Variants in GNA14 observed in about 807,000 individuals in gnomAD.
The protein encoded by GNA14 is G protein subunit alpha 14, also known as guanine nucleotide-binding protein subunit alpha-14.
GNA14 carries 50 observed loss-of-function variants against 42.0 expected under a neutral mutation model. The ratio of observed to expected loss-of-function variants is 1.19; its 90% CI spans 0.95 to 1.51. GNA14 has a LOEUF of 1.51. GNA14 is among the 40% of genes most tolerant of loss of function. The pLI is 0.00. For synonymous variants in GNA14, 173 were observed against 163.1 expected, an observed-to-expected ratio of 1.06 and a Z score of -0.46; for missense variants, 473 against 446.2, an observed-to-expected ratio of 1.06 and a Z score of -0.54.
intron 2 of GNA14, among the ~76,000 whole-genome samples, chr9:77,478,375 G>C (rs914326862): frequency 1.4e-4 from 22 of 152,138 alleles, no homozygotes; most frequent in African/African-American, 5.1e-4. Context: ...TTTTATGGCT[G>C]CATAGTATTC....
At chr9:77,507,654 CCGTT>C (rs1587806790) in intron 2 of GNA14, among the ~76,000 whole-genome samples, 1 of 152,072 alleles carries the variant, frequency 6.6e-6, no homozygotes, top group African/African-American at 2.4e-5. Flanking sequence ...AGAAAAACAG[CCGTT>C]TGTTTTTAAC....
intron 2 of GNA14, among the ~76,000 whole-genome samples, chr9:77,437,147 G>A (rs929920616): frequency 2.0e-5 from 3 of 152,194 alleles, no homozygotes; most frequent in African/African-American, 7.2e-5. Context: ...ACAATCATCA[G>A]GGCTGTAACA....
chr9:77,475,501 G>C (rs1394354892), intron 2 of GNA14, among the ~76,000 whole-genome samples: 2 of 152,166 alleles, frequency 1.3e-5, no homozygotes, highest in Admixed American at 1.3e-4. Flanking sequence ...CTAGGAGAAT[G>C]GCTCTGGTCC....
chr9:77,574,713 A>C (rs1183621386), intron 1 of GNA14, among the ~76,000 whole-genome samples: 2 of 152,216 alleles, frequency 1.3e-5, no homozygotes, highest in African/African-American at 4.8e-5. Flanking sequence ...TCAGTAGCTT[A>C]ATATAATATT....
intron 1 of GNA14, among the ~76,000 whole-genome samples, chr9:77,594,055 T>C (rs1168928375): frequency 6.6e-6 from 1 of 152,212 alleles, no homozygotes; most frequent in Non-Finnish European, 1.5e-5. Flanking sequence ...CCTCATCTGC[T>C]GGATTCTCTG....
intron 2 of GNA14, among the ~76,000 whole-genome samples, chr9:77,520,452 T>A (rs957213589): frequency 2.0e-5 from 3 of 152,244 alleles, no homozygotes; most frequent in South Asian, 2.1e-4. Context: ...CTAACGAGCA[T>A]GTTCCTAGCA....
At chr9:77,517,261 C>T (rs1015224259) in intron 2 of GNA14, among the ~76,000 whole-genome samples, 7 of 152,088 alleles carry the variant, frequency 4.6e-5, no homozygotes, top group African/African-American at 1.7e-4. Flanking sequence ...GCAGGAGATG[C>T]GGATGCCCAC....
chr9:77,565,861 C>T (rs1373944352), intron 1 of GNA14, among the ~76,000 whole-genome samples: 1 of 152,150 alleles, frequency 6.6e-6, no homozygotes, highest in Non-Finnish European at 1.5e-5. Flanking sequence ...GGCATTTAGG[C>T]TTCTTACAGT....
intron 2 of GNA14, among the ~76,000 whole-genome samples, chr9:77,444,909 T>C (rs1367509285): frequency 6.6e-6 from 1 of 152,204 alleles, no homozygotes. Flanking sequence ...GTGCACAGCG[T>C]CCTGCCCCTG....
intron 3 of GNA14, 114 bp from the exon 4 acceptor site, chr9:77,431,563 T>G (rs528496649): frequency 1.1e-6 from 1 of 886,840 alleles, no homozygotes; most frequent in African/African-American, 1.7e-5. Context: ...ACACACGAAT[T>G]CCATCAATGA....
Position 77,537,601 on chromosome 9 carries a change from T to G in GNA14, c.125-8348A>C, listed in dbSNP as rs889280157. ...CTTTTTTCTTTGGATTAATACCTAG[T>G]AGTAGATTGCTGGATTGTATGGTAA... On this transcript the variant is annotated intron_variant, in intron 1 of 6. Transcript: ENST00000341700. Among the ~76,000 whole-genome samples the G allele has an allele frequency of 3.9e-5, 6 of 152,226 alleles. No homozygotes were observed. The East Asian group carries it at 1.2e-3, about 29-fold the overall frequency.
At chr9:77,516,697 G>A (rs1176127308) in intron 2 of GNA14, among the ~76,000 whole-genome samples, 1 of 151,176 alleles carries the variant, frequency 6.6e-6, no homozygotes, top group Non-Finnish European at 1.5e-5. Flanking sequence ...CTGCACTCCA[G>A]CCTGGGCAAA....
intron 1 of GNA14, among the ~76,000 whole-genome samples, chr9:77,625,735 G>A (rs1000782854): frequency 6.6e-6 from 1 of 152,144 alleles, no homozygotes; most frequent in Non-Finnish European, 1.5e-5. Context: ...CCTGAAGGAA[G>A]CACTAAATAT....
chr9:77,464,377 G>GTGTGTGTA lies in GNA14; in HGVS notation c.310-29856_310-29855insTACACACA, dbSNP rs1554689659. On this transcript the variant is annotated intron_variant, in intron 2 of 6. Transcript: ENST00000341700. ...TGTGTGTGTGTGTGTGTGTGTGTGT[G>GTGTGTGTA]TGTGTGTGTGTGTGTTTAAATGTGG... 7.6e-3 allele frequency among the ~76,000 whole-genome samples: 1,142 copies of GTGTGTGTA among 150,518 alleles called. 17 individuals carry two copies. The highest frequency in any genetic ancestry group is 0.027 in the African/African-American group (1,092 of 40,860).
At chr9:77,537,141 C>T (rs1837608015) in intron 1 of GNA14, among the ~76,000 whole-genome samples, 1 of 152,120 alleles carries the variant, frequency 6.6e-6, no homozygotes, top group Non-Finnish European at 1.5e-5. Context: ...TAATTATGGT[C>T]ACTCTACTTT....
intron 2 of GNA14, among the ~76,000 whole-genome samples, chr9:77,522,653 C>T (rs564154088): frequency 6.6e-6 from 1 of 152,294 alleles, no homozygotes; most frequent in South Asian, 2.1e-4. Context: ...GCTGCCCAAT[C>T]AGAATCACCT....
At chr9:77,634,946 CCA>C (rs747466342) in intron 1 of GNA14, among the ~76,000 whole-genome samples, 6 of 152,210 alleles carry the variant, frequency 3.9e-5, no homozygotes, top group Non-Finnish European at 7.3e-5. Flanking sequence ...TGTAGTCAAT[CCA>C]CAGTTATTCA....
chr9:77,558,646 G>T (rs12346613), intron 1 of GNA14, among the ~76,000 whole-genome samples: 3,095 of 152,094 alleles, frequency 0.02, 114 homozygotes, highest in African/African-American at 0.07. Context: ...ACCAGATGAG[G>T]TTCTCCATTA....
At chr9:77,429,245 T>C (rs1835506214) in intron 4 of GNA14, among the ~76,000 whole-genome samples, 1 of 152,206 alleles carries the variant, frequency 6.6e-6, no homozygotes, top group Non-Finnish European at 1.5e-5. Context: ...AGGGAGAGAA[T>C]GTAAATGACA....
Sources: gnomAD v4.1 joint callset for allele counts (sites outside exome capture counted in the v4.1 genomes callset) on GRCh38, gnomAD v4.1.1 for gene constraint, MANE v1.5 for transcripts, NCBI Gene and HGNC (gene_info 2026-07-23, HGNC 2026-07-21) for gene names.